The following ELP4 variants were observed in gnomAD, a reference collection of about 807,000 sequenced individuals.
ELP4 encodes the protein elongator acetyltransferase complex subunit 4.
In ELP4, 51 loss-of-function variants were observed where a neutral mutation model predicts 48.9. The observed-to-expected ratio is 1.04, with a 90% CI of 0.83 to 1.32. ELP4 has a LOEUF of 1.32. ELP4 is among the 40% of genes most tolerant of loss of function. The pLI is 0.00. For missense variants in ELP4, 519 were observed against 514.6 expected, an observed-to-expected ratio of 1.01 and a Z score of -0.08; for synonymous variants, 210 against 189.2, an observed-to-expected ratio of 1.11 and a Z score of -0.90.
chr11:31,684,562 T>C (rs1207557339), intron 9 of ELP4, among the ~76,000 whole-genome samples: 1 of 152,184 alleles, frequency 6.6e-6, no homozygotes, highest in Non-Finnish European at 1.5e-5. Flanking sequence ...TGTCAACATT[T>C]GTGGTATTGA....
intron 9 of ELP4, among the ~76,000 whole-genome samples, chr11:31,746,479 G>GA (rs1947594211): frequency 6.6e-6 from 1 of 152,122 alleles, no homozygotes; most frequent in African/African-American, 2.4e-5. Flanking sequence ...CAAATACTTG[G>GA]AACCAACGTA....
At chr11:31,511,198 T>C (rs1404845679) in intron 1 of ELP4, 1 of 152,230 alleles carries the variant, frequency 6.6e-6, no homozygotes, top group Non-Finnish European at 1.5e-5. Flanking sequence ...TGCATGGTAC[T>C]GTAAATAGAA....
At chr11:31,738,232 CAAAAAAAAAAAAAAA>C (rs57817538) in intron 9 of ELP4, among the ~76,000 whole-genome samples, 1 of 53,734 alleles carries the variant, frequency 1.9e-5, no homozygotes, top group Non-Finnish European at 3.6e-5. Flanking sequence ...CCATCTCTAC[CAAAAAAAAAAAAAAA>C]AAAAAAAAAA....
chr11:31,564,727 C>G (rs1299783252), intron 3 of ELP4, among the ~76,000 whole-genome samples: 1 of 152,146 alleles, frequency 6.6e-6, no homozygotes, highest in Non-Finnish European at 1.5e-5. Flanking sequence ...TTTATGGCTG[C>G]ATAGTATTCC....
At chr11:31,593,227 C>CTGTCGTTGT (rs572753295) in intron 3 of ELP4, among the ~76,000 whole-genome samples, 2 of 149,910 alleles carry the variant, frequency 1.3e-5, no homozygotes, top group Admixed American at 6.7e-5. Context: ...GTGAATAATA[C>CTGTCGTTGT]TGTTGTTGTT....
chr11:31,547,738 T>C (rs1956760775), intron 3 of ELP4, among the ~76,000 whole-genome samples: 1 of 152,170 alleles, frequency 6.6e-6, no homozygotes, highest in African/African-American at 2.4e-5. Flanking sequence ...AAATCCTCAA[T>C]AAAATACTGG....
At chr11:31,650,006 G>GGGA (rs1945286947) in intron 8 of ELP4, 109 bp from the exon 9 acceptor site, 1 of 492,102 alleles carries the variant, frequency 2.0e-6, no homozygotes, top group Non-Finnish European at 3.7e-6. Flanking sequence ...GTTTTAAAAG[G>GGGA]GGAGGATGCT....
rs905066773 is a variant in ELP4, at chr11:31,789,452, G to T, written c.*5928G>T. 4.4e-6 allele frequency: 2 copies of T among 453,940 alleles called. No homozygotes were observed. The highest frequency in any genetic ancestry group is 6.9e-5 in the East Asian group (2 of 28,794). 28.1% of individuals were successfully genotyped at this position (453,940 alleles called of 1,614,324 possible). On this transcript the variant is annotated 3_prime_UTR_variant, in exon 10 of 10. Coordinates refer to ENST00000640961, the MANE Select transcript of ELP4 (RefSeq NM_019040.5). ...CATGTTGTTCCAGGTTTAATTATAT[G>T]CAAAGGAATGATACAAACTTGGAAC...
At chr11:31,707,192 C>T (rs779596807) in intron 9 of ELP4, 2 of 390,098 alleles carry the variant, frequency 5.1e-6, no homozygotes, top group Non-Finnish European at 9.0e-6. Context: ...GTTTATATTC[C>T]CACCAACAGT....
rs755362706 is a variant in ELP4, at chr11:31,647,806, T to C, written c.993T>C (p.Ile331=). 8.7e-6 allele frequency: 14 copies of C among 1,609,154 alleles called. No individual in the cohort carries two copies. The highest frequency in any genetic ancestry group is 8.0e-5 in the African/African-American group (6 of 74,616). ...SDVVVGLESF[I]GSERETNPLY... ...TAGTAGTTGGTCTGGAATCATTTAT[T>C]GGTTCTGAGAGAGAAACTAACCCAT... Residue 331 remains isoleucine (I), a synonymous_variant, in exon 8 of 10, where the codon ATT becomes ATC. Transcript: ENST00000640961.
At chr11:31,546,422 C>T (rs1201428774) in intron 3 of ELP4, among the ~76,000 whole-genome samples, 3 of 152,124 alleles carry the variant, frequency 2.0e-5, no homozygotes, top group African/African-American at 2.4e-5. Flanking sequence ...ATCAATTCAA[C>T]AAGAAGAGCT....
intron 2 of ELP4, among the ~76,000 whole-genome samples, chr11:31,536,557 G>A (rs1956504984): frequency 6.6e-6 from 1 of 152,098 alleles, no homozygotes; most frequent in African/African-American, 2.4e-5. Flanking sequence ...TCGCTATGTT[G>A]GCCAGGCTAG....
intron 5 of ELP4, among the ~76,000 whole-genome samples, chr11:31,616,306 ACAGGGTAC>A: frequency 6.6e-6 from 1 of 152,242 alleles, no homozygotes; most frequent in East Asian, 1.9e-4. Context: ...ATAATCTTCA[ACAGGGTAC>A]CAAGGTCACT....
At chr11:31,721,140 T>C (rs1015754033) in intron 9 of ELP4, among the ~76,000 whole-genome samples, 53 of 152,216 alleles carry the variant, frequency 3.5e-4, no homozygotes, top group African/African-American at 1.3e-3. Context: ...TGCCAGTTTT[T>C]TTGATTGTGT....
At chr11:31,638,298 C>G (rs573759969) in intron 7 of ELP4, among the ~76,000 whole-genome samples, 1 of 151,666 alleles carries the variant, frequency 6.6e-6, no homozygotes, top group Admixed American at 6.6e-5. Flanking sequence ...ATGTACTTGT[C>G]TAGAGAACAG....
intron 1 of ELP4, chr11:31,511,835 C>G (rs1387289772): frequency 6.6e-6 from 1 of 152,088 alleles, no homozygotes; most frequent in Non-Finnish European, 1.5e-5. Context: ...TTTAAAGTTT[C>G]CGTATTTGCT....
intron 1 of ELP4, among the ~76,000 whole-genome samples, chr11:31,517,725 T>C (rs1592076178): frequency 6.6e-6 from 1 of 151,986 alleles, no homozygotes; most frequent in South Asian, 2.1e-4. Flanking sequence ...CAAGCAATTC[T>C]CCTGCCTCAG....
At chr11:31,615,852 T>C (rs1358224427) in intron 5 of ELP4, among the ~76,000 whole-genome samples, 1 of 152,076 alleles carries the variant, frequency 6.6e-6, no homozygotes, top group Admixed American at 6.6e-5. Context: ...CATCTAGTCA[T>C]CCCACCCAAT....
At chr11:31,704,029 A>C (rs1251001319) in intron 9 of ELP4, among the ~76,000 whole-genome samples, 1 of 152,200 alleles carries the variant, frequency 6.6e-6, no homozygotes, top group Non-Finnish European at 1.5e-5. Context: ...GTAAAGCTTA[A>C]TTATATTTTT....
Sources: gnomAD v4.1 joint callset for allele counts (sites outside exome capture counted in the v4.1 genomes callset) on GRCh38, gnomAD v4.1.1 for gene constraint, MANE v1.5 for transcripts, NCBI Gene and HGNC (gene_info 2026-07-23, HGNC 2026-07-21) for gene names.